Variants in MYRFL observed in about 807,000 individuals in gnomAD.
MYRFL encodes myelin regulatory factor like.
A neutral mutation model predicts 109.4 loss-of-function variants in MYRFL; 88 were observed. The ratio of observed to expected loss-of-function variants is 0.80; its 90% CI spans 0.68 to 0.96. The LOEUF (loss-of-function observed/expected upper bound fraction) is 0.96. Among genes scored for constraint, MYRFL ranks in the 40% least tolerant of loss-of-function variants. MYRFL has a pLI of 0.00. For synonymous variants in MYRFL, 324 were observed against 320.9 expected, an observed-to-expected ratio of 1.01 and a Z score of -0.10; for missense variants, 957 against 954.9, an observed-to-expected ratio of 1.00 and a Z score of -0.03.
intron 14 of MYRFL, 58 bp from the exon 15 acceptor site, chr12:69,927,627 G>C (rs1955137508): frequency 7.7e-7 from 1 of 1,303,872 alleles, no homozygotes; most frequent in African/African-American, 1.5e-5. Context: ...CTGGGCCTTT[G>C]TCATGTATCT....
At chr12:69,877,035 T>TCTTTCTTTC (rs1478142590) in intron 2 of MYRFL, among the ~76,000 whole-genome samples, 40 of 73,834 alleles carry the variant, frequency 5.4e-4, no homozygotes, top group Middle Eastern at 7.7e-3. Flanking sequence ...TTTTTTTTTT[T>TCTTTCTTTC]TTTTTTGAGA....
At chr12:69,923,572 T>C (rs1954976020) in intron 13 of MYRFL, among the ~76,000 whole-genome samples, 1 of 152,218 alleles carries the variant, frequency 6.6e-6, no homozygotes, top group South Asian at 2.1e-4. Context: ...CTATTAACTA[T>C]GTATTTGTTT....
At chr12:69,874,979 G>A (rs1565986788) in intron 2 of MYRFL, among the ~76,000 whole-genome samples, 1 of 149,118 alleles carries the variant, frequency 6.7e-6, no homozygotes, top group African/African-American at 2.5e-5. Context: ...AGATATAAAT[G>A]TATATATCTA....
At chr12:69,947,860 T>C (rs147239775) in intron 19 of MYRFL, among the ~76,000 whole-genome samples, 1 of 152,304 alleles carries the variant, frequency 6.6e-6, no homozygotes, top group African/African-American at 2.4e-5. Flanking sequence ...TGTACTGGAC[T>C]CAGCCAGTAC....
intron 1 of MYRFL, among the ~76,000 whole-genome samples, chr12:69,845,321 A>G (rs757542071): frequency 6.6e-6 from 1 of 152,128 alleles, no homozygotes; most frequent in East Asian, 1.9e-4. Context: ...TGCTTGGCAC[A>G]TGGTAGGTCC....
intron 1 of MYRFL, among the ~76,000 whole-genome samples, chr12:69,836,171 G>A (rs753401270): frequency 2.6e-5 from 4 of 152,200 alleles, no homozygotes; most frequent in Admixed American, 1.3e-4. Context: ...TGCTTCTGCC[G>A]GTCAGGGGCT....
intron 2 of MYRFL, among the ~76,000 whole-genome samples, chr12:69,866,507 A>G (rs1264041851): frequency 6.6e-6 from 1 of 152,190 alleles, no homozygotes; most frequent in Non-Finnish European, 1.5e-5. Context: ...TCATATCACA[A>G]CAGCACTGGG....
At chr12:69,918,884 G>A (rs575610733) in intron 13 of MYRFL, among the ~76,000 whole-genome samples, 3 of 152,190 alleles carry the variant, frequency 2.0e-5, no homozygotes, top group African/African-American at 7.2e-5. Flanking sequence ...AATATACCAA[G>A]TCTATAGTAA....
intron 11 of MYRFL, chr12:69,904,194 T>C (rs1566013976): frequency 5.0e-6 from 1 of 198,222 alleles, no homozygotes; most frequent in Non-Finnish European, 1.0e-5. Flanking sequence ...TCCCCACTCA[T>C]CTTCCAAGCA....
At chr12:69,878,057 A>G (rs1041772707) in intron 2 of MYRFL, among the ~76,000 whole-genome samples, 2 of 152,182 alleles carry the variant, frequency 1.3e-5, no homozygotes, top group African/African-American at 4.8e-5. Context: ...AGCCTGGCCA[A>G]CATGGTGAAA....
intron 2 of MYRFL, among the ~76,000 whole-genome samples, chr12:69,856,935 C>T (rs548192330): frequency 1.7e-4 from 26 of 151,726 alleles, no homozygotes; most frequent in African/African-American, 4.3e-4. Flanking sequence ...ATATGACTTA[C>T]GGTTTATAGC....
chr12:69,948,303 T>C (rs1315741630), intron 19 of MYRFL, among the ~76,000 whole-genome samples: 1 of 152,224 alleles, frequency 6.6e-6, no homozygotes, highest in Non-Finnish European at 1.5e-5. Context: ...ATCTGCAAGA[T>C]TATCTTTCCT....
chr12:69,918,264 T>C (rs1417770289), intron 13 of MYRFL, among the ~76,000 whole-genome samples: 2 of 152,148 alleles, frequency 1.3e-5, no homozygotes, highest in African/African-American at 4.8e-5. Context: ...CTTGGCCCTA[T>C]GGACTTTCAA....
intron 5 of MYRFL, among the ~76,000 whole-genome samples, chr12:69,885,096 A>C (rs886777581): frequency 1.3e-5 from 2 of 152,138 alleles, no homozygotes; most frequent in African/African-American, 4.8e-5. Flanking sequence ...TAACCATAGA[A>C]GGGTTTCTTT....
At chr12:69,842,087 T>C (rs1178497663) in intron 1 of MYRFL, among the ~76,000 whole-genome samples, 1 of 152,210 alleles carries the variant, frequency 6.6e-6, no homozygotes, top group East Asian at 1.9e-4. Flanking sequence ...CCTTAACTAC[T>C]ATTGCTTCTT....
In MYRFL at chr12:69,828,909, G is replaced by A. The variant is rs1450802017; in HGVS notation, c.46+3346G>A. 4.6e-5 allele frequency among the ~76,000 whole-genome samples: 7 copies of A among 151,996 alleles called. No homozygotes were observed. The East Asian group carries it at 7.7e-4, about 17-fold the overall frequency. On this transcript the variant is annotated intron_variant, in intron 1 of 24. Transcript: ENST00000552032. Reference sequence around the variant, plus strand: ...AGTATTGTTGATTATATTTAATCTCGAAAGAACAAATTTTTGAGAAGCTAT... The same window carrying A: ...AGTATTGTTGATTATATTTAATCTCAAAAGAACAAATTTTTGAGAAGCTAT...
chr12:69,918,070 T>G (rs1954801453), intron 13 of MYRFL, among the ~76,000 whole-genome samples: 1 of 152,102 alleles, frequency 6.6e-6, no homozygotes, highest in Non-Finnish European at 1.5e-5. Context: ...TTACAGACAT[T>G]TTTTCCCCAT....
intron 19 of MYRFL, among the ~76,000 whole-genome samples, chr12:69,942,485 A>G (rs1156437213): frequency 5.9e-5 from 9 of 151,568 alleles, no homozygotes; most frequent in African/African-American, 2.2e-4. Flanking sequence ...AAATTCAACA[A>G]CTTTTCATGC....
At chr12:69,861,161 G>C (rs946908727) in intron 2 of MYRFL, among the ~76,000 whole-genome samples, 7 of 150,974 alleles carry the variant, frequency 4.6e-5, no homozygotes, top group Admixed American at 6.6e-5. Context: ...TGGACATTTG[G>C]GTTGGTTCCA....
Sources: allele counts gnomAD v4.1 joint callset (sites outside exome capture counted in the v4.1 genomes callset), GRCh38; gene constraint gnomAD v4.1.1; transcripts MANE v1.5; gene names NCBI Gene and HGNC (gene_info 2026-07-23, HGNC 2026-07-21).